The following NIPA1 variants were observed in gnomAD, a reference collection of about 807,000 sequenced individuals.
NIPA1 encodes NIPA magnesium transporter 1, also known as magnesium transporter NIPA1.
Under a neutral mutation model 23.9 loss-of-function variants are expected in NIPA1, and 13 were observed. The ratio of observed to expected loss-of-function variants is 0.54; its 90% CI spans 0.35 to 0.87. NIPA1 has a LOEUF of 0.87. Ranked by LOEUF, NIPA1 falls within the 40% of genes least tolerant of loss-of-function variation. NIPA1 has a pLI of 0.01. For synonymous variants in NIPA1, 234 were observed against 202.9 expected, an observed-to-expected ratio of 1.15 and a Z score of -1.30; for missense variants, 362 against 429.7, an observed-to-expected ratio of 0.84 and a Z score of 1.39.
chr15:22,823,075 C>T (rs572413693), intron 4 of NIPA1, among the ~76,000 whole-genome samples: 119 of 149,322 alleles, frequency 8.0e-4, no homozygotes, highest in Non-Finnish European at 1.3e-3. Context: ...CATGCCACCA[C>T]GCCTAGCTAA....
At position 22,824,250 on chromosome 15, in the gene NIPA1, G is replaced by C. The variant is rs188393827; in HGVS notation, c.*11G>C. On this transcript the variant is annotated 3_prime_UTR_variant, in exon 5 of 5. Transcript: ENST00000337435. The surrounding 1 kb of genome is among the most constrained non-coding windows in gnomAD (Gnocchi z 4.1). ...ATGAAAACAGACTAGATTGCAATAG[G>C]AGCTTGGATGGTTCGAGGAATAGGC... 3.0e-4 allele frequency: 477 copies of C among 1,610,854 alleles called. 3 individuals are homozygous for C. In the East Asian group the frequency reaches 9.2e-3, roughly 31 times the overall value.
intron 3 of NIPA1, among the ~76,000 whole-genome samples, chr15:22,816,238 G>A (rs1895414979): frequency 8.1e-6 from 1 of 123,190 alleles, no homozygotes; most frequent in Non-Finnish European, 1.6e-5. Context: ...CACCAGGCTA[G>A]AGTTCAGTTG....
intron 1 of NIPA1, among the ~76,000 whole-genome samples, chr15:22,788,498 C>CAAAAAAAAAAAAAAAAAAAAAAA (rs905296655): frequency 8.9e-5 from 8 of 89,590 alleles, no homozygotes; most frequent in Admixed American, 1.3e-4. Flanking sequence ...GACTCCATCT[C>CAAAAAAAAAAAAAAAAAAAAAAA]AAAAAAAAAA....
chr15:22,819,991 T>A (rs1018516720), intron 3 of NIPA1, among the ~76,000 whole-genome samples: 1 of 152,114 alleles, frequency 6.6e-6, no homozygotes, highest in African/African-American at 2.4e-5. Flanking sequence ...CCCAGGAGTT[T>A]GAGACTTGCC....
chr15:22,825,604 G>A lies in NIPA1; in HGVS notation c.*1365G>A, dbSNP rs1243190273. 6.6e-6 allele frequency: 1 copy of A among 152,178 alleles called. No individual in the cohort carries two copies. The highest frequency in any genetic ancestry group is 1.5e-5 in the Non-Finnish European group (1 of 68,034). The allele number at this position is 152,178 out of a possible 1,614,324, so 9.4% of individuals were successfully genotyped here. A position where few individuals can be genotyped will look rare whatever the true frequency, so the allele number is the denominator to read the frequency against. ...AGGTAACTTGATAATAAGGCTAAGT[G>A]GGAGAGTACCTGTTCAATAGCTCAT... On this transcript the variant is annotated 3_prime_UTR_variant, in exon 5 of 5. Transcript: ENST00000337435.
At chr15:22,813,658 AGT>A (rs747210600) in intron 3 of NIPA1, 1 of 456,042 alleles carries the variant, frequency 2.2e-6, no homozygotes, top group South Asian at 1.5e-5. Context: ...CTTGCAGAGA[AGT>A]GTGTCCATGA....
Position 22,810,733 on chromosome 15 carries a change from A to C in NIPA1, c.179-16A>C, listed in dbSNP as rs767193809. 6.4e-7 allele frequency: 1 copy of C among 1,572,796 alleles called. No individual in the cohort carries two copies. Among genetic ancestry groups the C allele is most frequent in the Non-Finnish European group, 8.8e-7 (1 of 1,142,244 alleles). On this transcript the variant is annotated splice_polypyrimidine_tract_variant and intron_variant, in intron 1 of 4. Coordinates refer to ENST00000337435, the MANE Select transcript of NIPA1 (RefSeq NM_144599.5). ...TAAACCCACTTTTCTGACATTTTTT[A>C]TCTCATTTTTTATAGGTACTTCCTA... is the stretch of plus-strand genomic sequence containing the variant.
Position 22,809,247 on chromosome 15 carries a change from C to T in NIPA1, c.179-1502C>T, listed in dbSNP as rs182070203. On this transcript the variant is annotated intron_variant, in intron 1 of 4. Coordinates refer to ENST00000337435, the MANE Select transcript of NIPA1 (RefSeq NM_144599.5). The stretch of plus-strand genomic sequence containing the variant: ...ACTAAAAATACAAAAATTAGCCGCA[C>T]GTGGTGGTGCACGCCTGTAATCCCA... 1.1e-4 allele frequency among the ~76,000 whole-genome samples: 16 copies of T among 151,906 alleles called. No homozygotes were observed. The East Asian group carries it at 2.1e-3, about 20-fold the overall frequency.
chr15:22,786,867 G>A, intron 1 of NIPA1, 33 bp downstream of exon 1: 1 of 957,830 alleles, frequency 1.0e-6, no homozygotes, highest in Non-Finnish European at 1.3e-6. Flanking sequence ...GGCGGCGGGC[G>A]GGTGGGGGAG....
chr15:22,812,317 A>C, intron 3 of NIPA1, 64 bp downstream of exon 3: 1 of 1,243,662 alleles, frequency 8.0e-7, no homozygotes, highest in Non-Finnish European at 1.2e-6. Flanking sequence ...TTTCATTTTA[A>C]ATGTTTCTGT....
rs1318703465 is a variant in NIPA1 at position 22,816,079 on chromosome 15, A to T, written c.317+3826A>T. On this transcript the variant is annotated intron_variant, in intron 3 of 4. Transcript: ENST00000337435. The stretch of plus-strand genomic sequence containing the variant: ...CCTCATCTATTCATCATTGTACTGG[A>T]TGTTATAGCCACAGCAATTAGGTAA... Among the ~76,000 whole-genome samples, 5 of 151,542 alleles carry T rather than the reference A, an allele frequency of 3.3e-5. No individual in the cohort carries two copies. The East Asian group carries it at 7.8e-4, about 24-fold the overall frequency.
Position 22,786,856 on chromosome 15 carries a change from A to G in NIPA1, c.178+22A>G, listed in dbSNP as rs1180278951. ...CGAGGTAGGGCGGGCGGCAGGCGGCAGGCGGCGGGCGGGTGGGGGAGGCGG... is the reference window on the plus strand; with the variant it reads ...CGAGGTAGGGCGGGCGGCAGGCGGCGGGCGGCGGGCGGGTGGGGGAGGCGG... On this transcript the variant is annotated intron_variant, in intron 1 of 4. Transcript: ENST00000337435. 2.2e-4 allele frequency: 52 copies of G among 232,844 alleles called. No homozygotes were observed. The East Asian group carries it at 2.3e-3, about 10-fold the overall frequency. The allele number at this position is 232,844 out of a possible 1,614,324, so 14.4% of individuals were successfully genotyped here.
chr15:22,806,704 G>A (rs1464762177), intron 1 of NIPA1, among the ~76,000 whole-genome samples: 1 of 152,204 alleles, frequency 6.6e-6, no homozygotes, highest in African/African-American at 2.4e-5. Context: ...GTGAAACTGT[G>A]AAGAAACCCA....
intron 1 of NIPA1, among the ~76,000 whole-genome samples, chr15:22,809,951 G>A (rs181364949): frequency 2.8e-3 from 419 of 152,236 alleles, no homozygotes; most frequent in Middle Eastern, 6.8e-3. Flanking sequence ...GGTGAGGCAG[G>A]AGAATCGCTT....
chr15:22,809,744 GA>G (rs34782532), intron 1 of NIPA1, among the ~76,000 whole-genome samples: 36,497 of 135,846 alleles, frequency 0.27, 7,014 homozygotes, highest in African/African-American at 0.54. Context: ...GACTCTGTCT[GA>G]AAAAAAAAAA....
chr15:22,788,026 C>G (rs914028108), intron 1 of NIPA1, among the ~76,000 whole-genome samples: 3 of 152,132 alleles, frequency 2.0e-5, no homozygotes, highest in African/African-American at 7.2e-5. Flanking sequence ...CTAAGGCACA[C>G]AGATACACAC....
chr15:22,805,632 G>T (rs1389310420), intron 1 of NIPA1, among the ~76,000 whole-genome samples: 1 of 152,134 alleles, frequency 6.6e-6, no homozygotes, highest in Non-Finnish European at 1.5e-5. Context: ...GTTGCAGTGA[G>T]CAGAGATCAC....
rs1230712461 is a variant in NIPA1 at position 22,825,169 on chromosome 15, C to T, written c.*930C>T. On this transcript the variant is annotated 3_prime_UTR_variant, in exon 5 of 5. Transcript: ENST00000337435. ...TATGACCCACCCAGGCCAGATGGTA[C>T]AGCCTGTTGCTCCTGGGCCACACAC... 1 of 152,226 alleles carries T rather than the reference C, an allele frequency of 6.6e-6. No individual in the cohort carries two copies. The highest frequency in any genetic ancestry group is 1.5e-5 in the Non-Finnish European group (1 of 68,060). The allele number at this position is 152,226 out of a possible 1,614,324, so 9.4% of individuals were successfully genotyped here. A position where few individuals can be genotyped will look rare whatever the true frequency, so the allele number is the denominator to read the frequency against.
intron 1 of NIPA1, among the ~76,000 whole-genome samples, chr15:22,792,002 T>C (rs1595629802): frequency 6.6e-6 from 1 of 152,124 alleles, no homozygotes; most frequent in Non-Finnish European, 1.5e-5. Flanking sequence ...CTCTACAGCA[T>C]AGGCTCAGAT....
Sources: allele counts gnomAD v4.1 joint callset (sites outside exome capture counted in the v4.1 genomes callset), GRCh38; gene constraint gnomAD v4.1.1; non-coding constraint Gnocchi (gnomAD v3.1); transcripts MANE v1.5; gene names NCBI Gene and HGNC (gene_info 2026-07-23, HGNC 2026-07-21).